The following XKR4 variants were observed in gnomAD, a reference collection of about 807,000 sequenced individuals.
The protein encoded by XKR4 is XK related 4.
In XKR4, 12 loss-of-function variants were observed where a neutral mutation model predicts 53.9. The observed-to-expected ratio is 0.22, with a 90% CI of 0.14 to 0.36. The LOEUF (loss-of-function observed/expected upper bound fraction) is 0.36. Ranked by LOEUF, XKR4 falls within the 10% of genes least tolerant of loss-of-function variation. The pLI is 1.00. For synonymous variants in XKR4, 354 were observed against 362.4 expected, an observed-to-expected ratio of 0.98 and a Z score of 0.26; for missense variants, 799 against 859.5, an observed-to-expected ratio of 0.93 and a Z score of 0.88.
intron 1 of XKR4, among the ~76,000 whole-genome samples, chr8:55,154,828 T>C (rs76294368): frequency 0.03 from 4,594 of 152,288 alleles, 179 homozygotes; most frequent in East Asian, 0.12. Flanking sequence ...AATCAGCTTG[T>C]TTATTGAGAA....
intron 2 of XKR4, among the ~76,000 whole-genome samples, chr8:55,468,677 A>G (rs1192200542): frequency 6.6e-6 from 1 of 152,134 alleles, no homozygotes; most frequent in East Asian, 1.9e-4. Flanking sequence ...ATAAGGATAT[A>G]AGTTTCTTAA....
At chr8:55,255,815 A>G (rs1818431125) in intron 1 of XKR4, among the ~76,000 whole-genome samples, 1 of 152,134 alleles carries the variant, frequency 6.6e-6, no homozygotes, top group African/African-American at 2.4e-5. Flanking sequence ...CTGTGGTCAG[A>G]GCTGGTGCGA....
intron 1 of XKR4, among the ~76,000 whole-genome samples, chr8:55,228,124 C>T (rs1388014799): frequency 1.3e-5 from 2 of 152,152 alleles, no homozygotes; most frequent in Non-Finnish European, 2.9e-5. Context: ...CCAGGCTGGT[C>T]TCAAACTCCT....
chr8:55,247,810 T>C (rs1375606364), intron 1 of XKR4, among the ~76,000 whole-genome samples: 1 of 151,722 alleles, frequency 6.6e-6, no homozygotes, highest in Non-Finnish European at 1.5e-5. Context: ...ACAGAACCAC[T>C]TACATTATTA....
At chr8:55,518,614 G>A (rs925272112) in intron 2 of XKR4, among the ~76,000 whole-genome samples, 40 of 152,172 alleles carry the variant, frequency 2.6e-4, no homozygotes, top group African/African-American at 9.7e-4. Flanking sequence ...GTCACCTACA[G>A]CCAGATTGCT....
chr8:55,221,182 A>G (rs1328964897), intron 1 of XKR4, among the ~76,000 whole-genome samples: 1 of 152,238 alleles, frequency 6.6e-6, no homozygotes. Context: ...AGAGTCTTCT[A>G]GGTTTTTTCT....
intron 1 of XKR4, among the ~76,000 whole-genome samples, chr8:55,303,597 G>C (rs951371813): frequency 1.2e-4 from 19 of 152,168 alleles, no homozygotes; most frequent in Non-Finnish European, 2.4e-4. Context: ...TGTACCTCTG[G>C]TAGAATTTGG....
intron 2 of XKR4, among the ~76,000 whole-genome samples, chr8:55,389,609 C>T (rs577259991): frequency 1.3e-5 from 2 of 152,096 alleles, no homozygotes; most frequent in African/African-American, 2.4e-5. Context: ...ATACCATCCA[C>T]GTGAGAAAAA....
chr8:55,132,607 C>A (rs542198518), intron 1 of XKR4, among the ~76,000 whole-genome samples: 3 of 152,226 alleles, frequency 2.0e-5, no homozygotes, highest in South Asian at 2.1e-4. Context: ...TATGGAGAGA[C>A]TACTGTGCCT....
intron 2 of XKR4, among the ~76,000 whole-genome samples, chr8:55,383,232 T>A (rs530502747): frequency 6.6e-6 from 1 of 152,098 alleles, no homozygotes; most frequent in South Asian, 2.1e-4. Flanking sequence ...CAATGAAAAA[T>A]GAATAAATAA....
At chr8:55,329,497 CT>C (rs1803351917) in intron 1 of XKR4, among the ~76,000 whole-genome samples, 1 of 152,014 alleles carries the variant, frequency 6.6e-6, no homozygotes, top group Non-Finnish European at 1.5e-5. Context: ...TTGAACACCC[CT>C]GGTCTACATA....
At chr8:55,285,556 TA>T (rs767282740) in intron 1 of XKR4, among the ~76,000 whole-genome samples, 26 of 152,230 alleles carry the variant, frequency 1.7e-4, no homozygotes, top group Non-Finnish European at 3.5e-4. Flanking sequence ...GGAAACAATT[TA>T]AAAAATGATA....
intron 1 of XKR4, among the ~76,000 whole-genome samples, chr8:55,122,621 C>T (rs776173805): frequency 2.0e-5 from 3 of 152,118 alleles, no homozygotes; most frequent in African/African-American, 7.2e-5. Context: ...GGAATTAGCA[C>T]GTGTTAAAGA....
At chr8:55,151,804 G>C (rs926042977) in intron 1 of XKR4, among the ~76,000 whole-genome samples, 5 of 152,082 alleles carry the variant, frequency 3.3e-5, no homozygotes, top group African/African-American at 1.2e-4. Flanking sequence ...TCATTAAATA[G>C]TTATCAAAAA....
At chr8:55,232,532 C>T (rs550960700) in intron 1 of XKR4, among the ~76,000 whole-genome samples, 2 of 152,288 alleles carry the variant, frequency 1.3e-5, no homozygotes, top group Admixed American at 6.5e-5. Context: ...ACATTTTATA[C>T]ACTTGCGGCT....
chr8:55,185,311 C>T (rs953972662), intron 1 of XKR4, among the ~76,000 whole-genome samples: 3 of 152,138 alleles, frequency 2.0e-5, no homozygotes, highest in African/African-American at 7.2e-5. Flanking sequence ...CCACTTCAAC[C>T]ACTGGCATTG....
At chr8:55,282,812 C>T (rs1818860393) in intron 1 of XKR4, among the ~76,000 whole-genome samples, 1 of 152,194 alleles carries the variant, frequency 6.6e-6, no homozygotes, top group African/African-American at 2.4e-5. Context: ...TAGGCTTTCA[C>T]ATTCACTCAC....
intron 1 of XKR4, among the ~76,000 whole-genome samples, chr8:55,341,200 G>C (rs1447129472): frequency 1.3e-5 from 2 of 152,180 alleles, no homozygotes; most frequent in Non-Finnish European, 2.9e-5. Context: ...AGAGAAACTA[G>C]TGTGTTCATA....
chr8:55,137,741 T>C (rs1350172134), intron 1 of XKR4, among the ~76,000 whole-genome samples: 1 of 152,014 alleles, frequency 6.6e-6, no homozygotes, highest in Non-Finnish European at 1.5e-5. Context: ...TTTTTATTTA[T>C]TTATTTTTTT....
Sources: gnomAD v4.1 joint callset for allele counts (sites outside exome capture counted in the v4.1 genomes callset) on GRCh38, gnomAD v4.1.1 for gene constraint, MANE v1.5 for transcripts, NCBI Gene and HGNC (gene_info 2026-07-23, HGNC 2026-07-21) for gene names.